Variants in AKAP11 observed in about 807,000 individuals in gnomAD.
AKAP11 encodes A-kinase anchor protein 11.
A neutral mutation model predicts 146.1 loss-of-function variants in AKAP11; 36 were observed. That is an observed-to-expected ratio of 0.25 (90% CI 0.19 to 0.33). The LOEUF is 0.33. Among genes scored for constraint, AKAP11 ranks in the 10% least tolerant of loss-of-function variants. The probability of loss-of-function intolerance (pLI) is 1.00; values close to 1 mark genes in which losing one functional copy is unlikely to be tolerated. For missense variants in AKAP11, 2,201 were observed against 2,197.0 expected, an observed-to-expected ratio of 1.00 and a Z score of -0.04; for synonymous variants, 780 against 786.5, an observed-to-expected ratio of 0.99 and a Z score of 0.14.
Position 42,302,487 on chromosome 13 carries a change from C to T in AKAP11, c.3741C>T (p.Asn1247=), listed in dbSNP as rs1435703650. The T allele has an allele frequency of 2.5e-6, 4 of 1,614,128 alleles. No homozygotes were observed. Among genetic ancestry groups the T allele is most frequent in the African/African-American group, 1.3e-5 (1 of 75,048 alleles). The change falls in exon 8 of 13, where the codon AAC becomes AAT. Residue 1247 remains asparagine, a synonymous_variant. Coordinates refer to ENST00000025301, the MANE Select transcript of AKAP11 (RefSeq NM_016248.4). ...SQRSVSPTFL[N]PSDENLKTLC... ...GAAGTGTGTCGCCTACTTTTTTAAA[C>T]CCCTCAGACGAAAATTTGAAAACAT...
Position 42,300,348 on chromosome 13 carries a change from T to G in AKAP11, c.1602T>G (p.Asp534Glu). 6.2e-7 allele frequency: 1 copy of G among 1,605,374 alleles called. No individual in the cohort carries two copies. The highest frequency in any genetic ancestry group is 8.5e-7 in the Non-Finnish European group (1 of 1,177,540). ...KTVTFKHGNL[D>E]QKNKSKNKSL... ...TAACTTTTAAGCATGGAAACCTTGA[T>G]CAAAAAAATAAATCTAAAAATAAAT... is the stretch of plus-strand genomic sequence containing the variant. The change falls in exon 8 of 13, where the codon GAT becomes GAG. Residue 534 changes from aspartate to glutamate, a missense_variant. Asp to Glu is a conservative substitution (Grantham distance 45). Around this residue, in one of 3 missense-constraint regions of AKAP11, gnomAD observed 1,867 missense variants for 1,833.5 expected, o/e 1.02. Coordinates refer to ENST00000025301, the MANE Select transcript of AKAP11 (RefSeq NM_016248.4).
chr13:42,272,226 C>A lies in AKAP11; in HGVS notation c.-102C>A, dbSNP rs1290394158. 1 of 152,810 alleles carries A rather than the reference C, an allele frequency of 6.5e-6. No individual in the cohort carries two copies. The highest frequency in any genetic ancestry group is 1.9e-4 in the South Asian group (1 of 5,270). The allele number at this position is 152,810 out of a possible 1,614,324, so 9.5% of individuals were successfully genotyped here. Reference sequence around the variant, plus strand: ...TGTGAGCTGCGGAGGCTGCGGCCCCCAGGTGAGCCGGGCGCCGACGTGCTC... The same window carrying A: ...TGTGAGCTGCGGAGGCTGCGGCCCCAAGGTGAGCCGGGCGCCGACGTGCTC... On this transcript the variant is annotated splice_region_variant and 5_prime_UTR_variant, in exon 1 of 13. Transcript: ENST00000025301.
At chr13:42,274,352 A>G (rs1185805588) in intron 1 of AKAP11, among the ~76,000 whole-genome samples, 1 of 152,104 alleles carries the variant, frequency 6.6e-6, no homozygotes, top group Non-Finnish European at 1.5e-5. Flanking sequence ...AAGTGTCTCG[A>G]TTCTCCCAGT....
Position 42,301,091 on chromosome 13 carries a change from T to C in AKAP11, c.2345T>C (p.Val782Ala). ...TCTGGAATTGTTACTTCTATACCGG[T>C]GCCCTTGGCAGGAAGTGCCCTTCTC... Reference protein sequence around the residue: ...CTSGIVTSIPVPLAGSALLPY... With the variant: ...CTSGIVTSIPAPLAGSALLPY... The change falls in exon 8 of 13, where the codon GTG (valine) becomes GCG (alanine). Residue 782 changes from valine (V) to alanine (A), a missense_variant. Val to Ala is a moderately conservative substitution (Grantham distance 64). Transcript: ENST00000025301. 1.2e-6 allele frequency: 2 copies of C among 1,614,072 alleles called. No homozygotes were observed. The highest frequency in any genetic ancestry group is 1.7e-6 in the Non-Finnish European group (2 of 1,179,938).
In AKAP11 at chr13:42,303,267, G is replaced by T; in HGVS notation, c.4521G>T (p.Leu1507Phe). The change falls in exon 8 of 13, where the codon TTG becomes TTT. Residue 1507 changes from leucine to phenylalanine, a missense_variant. Leu to Phe is a conservative substitution (Grantham distance 22). Around this residue, in one of 3 missense-constraint regions of AKAP11, gnomAD observed 1,867 missense variants for 1,833.5 expected, o/e 1.02. Coordinates refer to ENST00000025301, the MANE Select transcript of AKAP11 (RefSeq NM_016248.4). ...EDNECHVTPE[L>F]PKSLQPSSQN... ...ATGAGTGTCACGTTACACCAGAATT[G>T]CCTAAGTCTCTTCAGCCTTCCTCAC... is the stretch of plus-strand genomic sequence containing the variant. 6.2e-7 allele frequency: 1 copy of T among 1,613,478 alleles called. No homozygotes were observed. The highest frequency in any genetic ancestry group is 1.1e-5 in the South Asian group (1 of 91,080).
chr13:42,292,062 C>A (rs529931401), intron 3 of AKAP11, among the ~76,000 whole-genome samples: 1 of 152,182 alleles, frequency 6.6e-6, no homozygotes, highest in African/African-American at 2.4e-5. Context: ...ACGCCAGTGA[C>A]TTGGAAATCA....
intron 1 of AKAP11, among the ~76,000 whole-genome samples, chr13:42,275,293 T>C (rs750227611): frequency 6.6e-5 from 10 of 152,250 alleles, no homozygotes; most frequent in Non-Finnish European, 1.2e-4. Context: ...TGGTTTGCCA[T>C]GATGCCAACA....
At chr13:42,275,514 A>G (rs903081249) in intron 1 of AKAP11, among the ~76,000 whole-genome samples, 1 of 152,240 alleles carries the variant, frequency 6.6e-6, no homozygotes, top group Non-Finnish European at 1.5e-5. Context: ...GGCCATGCCA[A>G]CATATTTAAC....
chr13:42,287,089 A>G (rs984949351), intron 3 of AKAP11, among the ~76,000 whole-genome samples: 1 of 152,046 alleles, frequency 6.6e-6, no homozygotes, highest in African/African-American at 2.4e-5. Context: ...CTTCTCTTTT[A>G]TGGTAACTCT....
At position 42,298,792 on chromosome 13, in the gene AKAP11, A is replaced by C; in HGVS notation, c.611A>C (p.Asn204Thr). 1 of 1,549,190 alleles carries C rather than the reference A, an allele frequency of 6.5e-7. No individual in the cohort carries two copies. Among genetic ancestry groups the C allele is most frequent in the Non-Finnish European group, 8.6e-7 (1 of 1,160,240 alleles). The change falls in exon 7 of 13, where the codon AAT (asparagine) becomes ACT (threonine). Residue 204 changes from asparagine to threonine, a missense_variant. Physicochemically the swap from Asn to Thr is moderately conservative, Grantham distance 65 (BLOSUM62 0). Around this residue, in one of 3 missense-constraint regions of AKAP11, gnomAD observed 331 missense variants for 347.4 expected, o/e 0.95. Coordinates refer to ENST00000025301, the MANE Select transcript of AKAP11 (RefSeq NM_016248.4). ...LEEEETSKPY[N>T]DGMNITVLRS... is the part of the protein sequence containing the mutation. ...GAGGAAGAGACTTCAAAGCCATACA[A>C]TGATGGTTTGTTTTTCATTAGACTT...
Position 42,295,695 on chromosome 13 carries a change from G to C in AKAP11, c.169G>C (p.Val57Leu), listed in dbSNP as rs769284949. 9.9e-6 allele frequency: 16 copies of C among 1,612,168 alleles called. No individual in the cohort carries two copies. The Admixed American group carries it at 1.5e-4, about 15-fold the overall frequency. The change falls in exon 5 of 13, where the codon GTC (valine) becomes CTC (leucine). Residue 57 changes from valine (V) to leucine (L), a missense_variant and splice_region_variant. Val to Leu is a conservative substitution (Grantham distance 32). Around this residue, in one of 3 missense-constraint regions of AKAP11, gnomAD observed 331 missense variants for 347.4 expected, o/e 0.95. Transcript: ENST00000025301. Reference sequence around the variant, plus strand: ...GGAGGTTTATTTGTTCTTTACTCAGGTCACATTTCTGGGTTTTAATGAAGA... The same window carrying C: ...GGAGGTTTATTTGTTCTTTACTCAGCTCACATTTCTGGGTTTTAATGAAGA... ...QQDEHANLTE[V>L]TFLGFNEETD... is the part of the protein sequence containing the mutation.
intron 1 of AKAP11, among the ~76,000 whole-genome samples, chr13:42,279,208 T>C (rs538095420): frequency 2.3e-5 from 2 of 86,936 alleles, no homozygotes; most frequent in East Asian, 9.3e-4. Context: ...TGCTATTTTG[T>C]CTTCAAATTT....
chr13:42,311,015 G>T (rs1427142921), intron 9 of AKAP11, among the ~76,000 whole-genome samples: 1 of 126,480 alleles, frequency 7.9e-6, no homozygotes, highest in African/African-American at 2.9e-5. Context: ...AAAAGAACTG[G>T]TCTCTGTCTG....
intron 2 of AKAP11, 103 bp from the exon 3 acceptor site, chr13:42,286,194 TTTA>T: frequency 2.2e-6 from 1 of 447,148 alleles, no homozygotes; most frequent in Non-Finnish European, 3.9e-6. Context: ...TGTTTTCATT[TTTA>T]TTTTTCTTTT....
chr13:42,306,558 T>G (rs1452095899), intron 8 of AKAP11, among the ~76,000 whole-genome samples: 1 of 152,226 alleles, frequency 6.6e-6, no homozygotes, highest in Non-Finnish European at 1.5e-5. Flanking sequence ...ATTTTCCTGC[T>G]TCTCTTCTTA....
At chr13:42,292,344 TTAAA>T (rs758185078) in intron 3 of AKAP11, 37 bp from the exon 4 acceptor site, 3 of 1,278,058 alleles carry the variant, frequency 2.3e-6, no homozygotes, top group East Asian at 4.7e-5. Flanking sequence ...TGTCTTAGAA[TTAAA>T]TAAATTTGAA....
chr13:42,318,930 G>T (rs755635418), intron 12 of AKAP11, among the ~76,000 whole-genome samples, 158 bp from the exon 13 acceptor site: 4 of 152,172 alleles, frequency 2.6e-5, no homozygotes, highest in African/African-American at 9.7e-5. Context: ...TTGGGTAAAG[G>T]GGTAGCGGTT....
intron 1 of AKAP11, among the ~76,000 whole-genome samples, chr13:42,275,983 G>A (rs1958907213): frequency 6.6e-6 from 1 of 152,110 alleles, no homozygotes; most frequent in African/African-American, 2.4e-5. Context: ...ACCATTTCTT[G>A]ACTTCAGTGA....
chr13:42,272,314 C>T (rs1296488947), intron 1 of AKAP11, 86 bp downstream of exon 1: 1 of 152,160 alleles, frequency 6.6e-6, no homozygotes, highest in Non-Finnish European at 1.5e-5. Context: ...ATGGAGCGGC[C>T]CGGCTCCGGC....
Sources: gnomAD v4.1 joint callset for allele counts (sites outside exome capture counted in the v4.1 genomes callset) on GRCh38, gnomAD v4.1.1 for gene constraint, gnomAD v4.1.1 regional missense constraint, MANE v1.5 for transcripts, NCBI Gene and HGNC (gene_info 2026-07-23, HGNC 2026-07-21) for gene names.